Variants in CECR2 observed in about 807,000 individuals in gnomAD.
The protein encoded by CECR2 is chromatin remodeling regulator CECR2.
A neutral mutation model predicts 154.5 loss-of-function variants in CECR2; 30 were observed. The ratio of observed to expected loss-of-function variants is 0.19; its 90% CI spans 0.15 to 0.26. The LOEUF is 0.26. Among genes scored for constraint, CECR2 ranks in the 10% least tolerant of loss-of-function variants. CECR2 has a pLI of 1.00. For missense variants in CECR2, 1,743 were observed against 1,829.3 expected, an observed-to-expected ratio of 0.95 and a Z score of 0.86; for synonymous variants, 725 against 683.7, an observed-to-expected ratio of 1.06 and a Z score of -0.94.
chr22:17,508,517 A>G (rs1286056280), intron 7 of CECR2, among the ~76,000 whole-genome samples: 2 of 152,118 alleles, frequency 1.3e-5, no homozygotes, highest in African/African-American at 2.4e-5. Context: ...GCAATAGGCT[A>G]TATATCCTGT....
chr22:17,467,130 T>C (rs2522288), intron 1 of CECR2, among the ~76,000 whole-genome samples: 21,035 of 152,128 alleles, frequency 0.14, 1,648 homozygotes, highest in East Asian at 0.23. Flanking sequence ...AAGGGGAAAA[T>C]AGCTATACTT....
At chr22:17,510,477 AAG>A (rs1355101029) in intron 7 of CECR2, among the ~76,000 whole-genome samples, 1 of 151,900 alleles carries the variant, frequency 6.6e-6, no homozygotes, top group African/African-American at 2.4e-5. Flanking sequence ...GAAAAAAAAA[AAG>A]AGCTTATAGG....
At chr22:17,440,382 C>T (rs1210591330) in intron 1 of CECR2, among the ~76,000 whole-genome samples, 4 of 152,192 alleles carry the variant, frequency 2.6e-5, no homozygotes, top group Admixed American at 6.5e-5. Context: ...TTCCCAATTA[C>T]TTGGCCTCTT....
chr22:17,532,700 CTTTTTTTTTTTTTTTTTTTTTT>C (rs695634), intron 9 of CECR2, among the ~76,000 whole-genome samples: 3 of 35,770 alleles, frequency 8.4e-5, no homozygotes, highest in African/African-American at 3.5e-4. Flanking sequence ...CATTATTATT[CTTTTTTTTTTTTTTTTTTTTTT>C]TTTTTTTTTT....
Position 17,477,254 on chromosome 22 carries a change from T to C in CECR2, c.127-334T>C, listed in dbSNP as rs943357982. 17 of 648,686 alleles carry C rather than the reference T, an allele frequency of 2.6e-5. 1 individual carries two copies. The South Asian group carries it at 2.8e-4, about 11-fold the overall frequency. The allele number at this position is 648,686 out of a possible 1,614,324, so 40.2% of individuals were successfully genotyped here. A position where few individuals can be genotyped will look rare whatever the true frequency, so the allele number is the denominator to read the frequency against. ...TAGCAGTACAGCACATTTGTATTTA[T>C]ACTCGATTATATATAATCAAAGAGT... On this transcript the variant is annotated intron_variant, in intron 1 of 18. Coordinates refer to ENST00000262608, the MANE Select transcript of CECR2 (RefSeq NM_001290047.2).
intron 2 of CECR2, among the ~76,000 whole-genome samples, chr22:17,478,366 T>C (rs1457674404): frequency 4.0e-5 from 6 of 149,762 alleles, no homozygotes; most frequent in African/African-American, 1.5e-4. Flanking sequence ...TTTTTTTTTT[T>C]TTTTTTTGAG....
At position 17,549,216 on chromosome 22, in the gene CECR2, G is replaced by A. The variant is rs1204494649; in HGVS notation, c.3929G>A (p.Ser1310Asn). 4 of 1,614,048 alleles carry A rather than the reference G, an allele frequency of 2.5e-6. No individual in the cohort carries two copies. Among genetic ancestry groups the A allele is most frequent in the Non-Finnish European group, 3.4e-6 (4 of 1,179,904 alleles). Residue 1310 changes from serine (S) to asparagine (N), a missense_variant, in exon 17 of 19, where the codon AGC becomes AAC. Ser to Asn is a conservative substitution (Grantham distance 46, BLOSUM62 1). Transcript: ENST00000262608. ...CATAACGCAGCTACCAAGCGGCAGA[G>A]CTCGTTGTCAGCCAGCGAGTATCTC... ...DNHNAATKRQ[S>N]SLSASEYLYG...
intron 9 of CECR2, among the ~76,000 whole-genome samples, chr22:17,534,302 C>T (rs2056404313): frequency 1.3e-5 from 2 of 152,014 alleles, no homozygotes; most frequent in African/African-American, 4.8e-5. Context: ...AGACCCCTGT[C>T]TCTTGGGAGA....
At chr22:17,442,955 T>G (rs558894933) in intron 1 of CECR2, among the ~76,000 whole-genome samples, 83 of 152,328 alleles carry the variant, frequency 5.4e-4, no homozygotes, top group African/African-American at 1.9e-3. Context: ...TTTGCAGTTG[T>G]TTTATTTTTT....
chr22:17,539,283 C>A, intron 13 of CECR2, 164 bp downstream of exon 13: 1 of 723,978 alleles, frequency 1.4e-6, no homozygotes. Flanking sequence ...CAGTGTCTGC[C>A]AGGGATTCTC....
intron 1 of CECR2, among the ~76,000 whole-genome samples, chr22:17,414,675 C>T (rs2054130361): frequency 1.3e-5 from 2 of 151,594 alleles, no homozygotes; most frequent in African/African-American, 4.9e-5. Flanking sequence ...TCCCCCCACC[C>T]CACGACTGGC....
chr22:17,499,293 T>C, intron 3 of CECR2, 117 bp from the exon 4 acceptor site: 1 of 1,290,696 alleles, frequency 7.7e-7, no homozygotes, highest in Non-Finnish European at 1.1e-6. Flanking sequence ...CCAGCGATAC[T>C]TGGGCATTTT....
At chr22:17,449,758 G>A (rs2054739258) in intron 1 of CECR2, among the ~76,000 whole-genome samples, 2 of 152,090 alleles carry the variant, frequency 1.3e-5, no homozygotes, top group South Asian at 4.1e-4. Context: ...CAAAGTGCTG[G>A]GATTACAGGC....
rs147615219 is a variant in CECR2 at position 17,512,366 on chromosome 22, T to A, written c.954+470T>A. Among the ~76,000 whole-genome samples, 109 of 152,094 alleles carry A rather than the reference T, an allele frequency of 7.2e-4. 2 individuals are homozygous for A. The East Asian group carries it at 0.02, about 28-fold the overall frequency. ...AAAAGCACAGAGACAGGAAATTATATAAATTTATATAAAATGATATAAATA... is the reference window on the plus strand; with the variant it reads ...AAAAGCACAGAGACAGGAAATTATAAAAATTTATATAAAATGATATAAATA... On this transcript the variant is annotated intron_variant, in intron 8 of 18. Coordinates refer to ENST00000262608, the MANE Select transcript of CECR2 (RefSeq NM_001290047.2).
intron 9 of CECR2, among the ~76,000 whole-genome samples, chr22:17,529,311 A>G (rs2056315724): frequency 6.6e-6 from 1 of 151,892 alleles, no homozygotes; most frequent in Admixed American, 6.6e-5. Context: ...GGAGCGGAGC[A>G]GAGCAGAGCA....
At chr22:17,546,869 T>C (rs1279926267) in intron 16 of CECR2, among the ~76,000 whole-genome samples, 1 of 151,708 alleles carries the variant, frequency 6.6e-6, no homozygotes, top group East Asian at 2.0e-4. Flanking sequence ...TGAAATCTTG[T>C]CTCTACTAAA....
chr22:17,528,366 A>G (rs567838986), intron 9 of CECR2, among the ~76,000 whole-genome samples: 3 of 152,290 alleles, frequency 2.0e-5, no homozygotes, highest in East Asian at 3.9e-4. Context: ...AAATAATTGA[A>G]CCCGTGGAGA....
chr22:17,421,495 G>T (rs1367765559), intron 1 of CECR2, among the ~76,000 whole-genome samples: 1 of 150,528 alleles, frequency 6.6e-6, no homozygotes, highest in Non-Finnish European at 1.5e-5. Context: ...GGCGCCTGTA[G>T]TCCCAGCTAC....
intron 1 of CECR2, among the ~76,000 whole-genome samples, chr22:17,381,884 A>ATTT (rs35781889): frequency 8.2e-4 from 115 of 140,794 alleles, no homozygotes; most frequent in African/African-American, 2.4e-3. Flanking sequence ...GAGCCCCCAC[A>ATTT]TTTTTTTTTT....
Sources: allele counts gnomAD v4.1 joint callset (sites outside exome capture counted in the v4.1 genomes callset), GRCh38; gene constraint gnomAD v4.1.1; transcripts MANE v1.5; gene names NCBI Gene and HGNC (gene_info 2026-07-23, HGNC 2026-07-21).